Variants in ASAP1 observed in about 807,000 individuals in gnomAD.
ASAP1 encodes the protein arf-GAP with SH3 domain, ANK repeat and PH domain-containing protein 1.
Under a neutral mutation model 145.2 loss-of-function variants are expected in ASAP1, and 43 were observed. That is an observed-to-expected ratio of 0.30 (90% CI 0.23 to 0.38). The LOEUF is 0.38. Among genes scored for constraint, ASAP1 ranks in the 10% least tolerant of loss-of-function variants. ASAP1 has a pLI of 1.00. For missense variants in ASAP1, 1,018 were observed against 1,355.3 expected (o/e 0.75, Z 3.91); for synonymous variants, 546 against 515.5 (o/e 1.06, Z -0.80).
At chr8:130,366,121 C>T (rs2138238282) in intron 2 of ASAP1, among the ~76,000 whole-genome samples, 1 of 152,318 alleles carries the variant, frequency 6.6e-6, no homozygotes, top group South Asian at 2.1e-4. Context: ...AAGGGTTTCC[C>T]ACTCCACCTT....
chr8:130,074,308 G>T (rs2097456843), intron 27 of ASAP1, among the ~76,000 whole-genome samples: 1 of 152,170 alleles, frequency 6.6e-6, no homozygotes, highest in Non-Finnish European at 1.5e-5. Flanking sequence ...GATGAAAGAA[G>T]ATCAGGTATA....
chr8:130,363,549 C>G (rs1171216811), intron 2 of ASAP1, among the ~76,000 whole-genome samples: 1 of 152,100 alleles, frequency 6.6e-6, no homozygotes, highest in Non-Finnish European at 1.5e-5. Flanking sequence ...CCTAAGGCTG[C>G]TGGGGTATAG....
At chr8:130,398,115 T>G (rs1828616535) in intron 2 of ASAP1, among the ~76,000 whole-genome samples, 1 of 152,264 alleles carries the variant, frequency 6.6e-6, no homozygotes, top group Admixed American at 6.5e-5. Flanking sequence ...ACTTTTCAGC[T>G]ACATGACATG....
chr8:130,419,073 T>C (rs1829608336), intron 1 of ASAP1, among the ~76,000 whole-genome samples: 1 of 152,134 alleles, frequency 6.6e-6, no homozygotes, highest in South Asian at 2.1e-4. Context: ...GCAGGGACCC[T>C]TCCTGGAGGC....
At chr8:130,177,078 GACAATTA>G (rs1306011469) in intron 9 of ASAP1, among the ~76,000 whole-genome samples, 3 of 152,124 alleles carry the variant, frequency 2.0e-5, no homozygotes, top group Non-Finnish European at 4.4e-5. Flanking sequence ...CCTATACCTG[GACAATTA>G]ACTCCTGAGC....
At chr8:130,150,649 C>A (rs147463291) in intron 13 of ASAP1, among the ~76,000 whole-genome samples, 1 of 152,080 alleles carries the variant, frequency 6.6e-6, no homozygotes, top group Non-Finnish European at 1.5e-5. Context: ...GAGGCCGAGG[C>A]GGGTGGATCA....
intron 1 of ASAP1, among the ~76,000 whole-genome samples, chr8:130,424,240 T>C (rs1354257714): frequency 6.6e-6 from 1 of 152,220 alleles, no homozygotes; most frequent in Non-Finnish European, 1.5e-5. Context: ...CTCTGGTCTA[T>C]ACAGGCAAAC....
chr8:130,163,911 G>A (rs1428944569), intron 11 of ASAP1, among the ~76,000 whole-genome samples: 1 of 152,122 alleles, frequency 6.6e-6, no homozygotes, highest in African/African-American at 2.4e-5. Context: ...TGTATAAAAT[G>A]TATTATTAAG....
chr8:130,232,933 A>G (rs974775658), intron 4 of ASAP1, among the ~76,000 whole-genome samples: 16 of 152,244 alleles, frequency 1.1e-4, no homozygotes, highest in African/African-American at 3.1e-4. Flanking sequence ...TGAGGCCAAA[A>G]GCCCTTGGAG....
chr8:130,333,938 G>A (rs1824865006), intron 3 of ASAP1, among the ~76,000 whole-genome samples: 1 of 152,184 alleles, frequency 6.6e-6, no homozygotes, highest in African/African-American at 2.4e-5. Context: ...AGTGTGCACA[G>A]AGCAGCTGGA....
intron 5 of ASAP1, among the ~76,000 whole-genome samples, chr8:130,213,219 T>C (rs972662849): frequency 5.3e-5 from 8 of 152,252 alleles, no homozygotes; most frequent in Non-Finnish European, 4.4e-5. Flanking sequence ...TCCGAAGTTT[T>C]TGAAAATAAT....
intron 3 of ASAP1, among the ~76,000 whole-genome samples, chr8:130,300,946 C>A (rs957597973): frequency 6.6e-6 from 1 of 152,134 alleles, no homozygotes; most frequent in Admixed American, 6.5e-5. Context: ...GAGGCCCTCC[C>A]TCATTGCCAT....
At chr8:130,097,993 C>T (rs1428045729) in intron 24 of ASAP1, among the ~76,000 whole-genome samples, 1 of 152,162 alleles carries the variant, frequency 6.6e-6, no homozygotes, top group Non-Finnish European at 1.5e-5. Flanking sequence ...AATCAGCATG[C>T]TTTTCAAATC....
chr8:130,069,751 G>C (rs2097438428), intron 27 of ASAP1: 1 of 152,104 alleles, frequency 6.6e-6, no homozygotes. Context: ...TGTATTTCTT[G>C]CAGTTTGAAG....
chr8:130,166,932 A>C (rs1394203501), intron 11 of ASAP1, among the ~76,000 whole-genome samples: 4 of 152,220 alleles, frequency 2.6e-5, no homozygotes, highest in South Asian at 2.1e-4. Flanking sequence ...GAAGTGGTCT[A>C]AAGAGGAAAG....
At chr8:130,335,546 G>C (rs1824978842) in intron 3 of ASAP1, among the ~76,000 whole-genome samples, 1 of 152,136 alleles carries the variant, frequency 6.6e-6, no homozygotes, top group Admixed American at 6.5e-5. Flanking sequence ...GAAATATGAA[G>C]AGATCATGAT....
intron 3 of ASAP1, among the ~76,000 whole-genome samples, chr8:130,276,716 ACACACACACACACT>A (rs1270565334): frequency 1.6e-5 from 2 of 128,720 alleles, no homozygotes; most frequent in South Asian, 2.9e-4. Flanking sequence ...ACACACACAC[ACACACACACACACT>A]CTCTCTCTCT....
At chr8:130,165,743 A>G (rs983772126) in intron 11 of ASAP1, among the ~76,000 whole-genome samples, 2 of 152,264 alleles carry the variant, frequency 1.3e-5, no homozygotes, top group Non-Finnish European at 2.9e-5. Context: ...CACTTGACCA[A>G]TCCCCAGTGC....
intron 3 of ASAP1, among the ~76,000 whole-genome samples, chr8:130,351,747 T>C (rs1001052419): frequency 6.6e-6 from 1 of 152,270 alleles, no homozygotes; most frequent in Admixed American, 6.5e-5. Context: ...TGCTAAACCA[T>C]TCATGAGGCA....
Sources: allele counts gnomAD v4.1 joint callset (sites outside exome capture counted in the v4.1 genomes callset), GRCh38; gene constraint gnomAD v4.1.1; transcripts MANE v1.5; gene names NCBI Gene and HGNC (gene_info 2026-07-23, HGNC 2026-07-21).